The following AKAP8 variants were observed in gnomAD, a reference collection of about 807,000 sequenced individuals.
AKAP8 encodes A-kinase anchoring protein 8.
A neutral mutation model predicts 67.5 loss-of-function variants in AKAP8; 24 were observed. The observed-to-expected ratio is 0.36, with a 90% CI of 0.26 to 0.50. The LOEUF (loss-of-function observed/expected upper bound fraction) is 0.50, where lower values mean the gene tolerates loss of function less well. Ranked by LOEUF, AKAP8 falls within the 20% of genes least tolerant of loss-of-function variation. The probability of loss-of-function intolerance (pLI) is 0.97; values close to 1 mark genes in which losing one functional copy is unlikely to be tolerated. For synonymous variants in AKAP8, 400 were observed against 371.1 expected (o/e 1.08, Z -0.90); for missense variants, 971 against 955.9 (o/e 1.02, Z -0.21).
intron 7 of AKAP8, among the ~76,000 whole-genome samples, chr19:15,370,997 G>A (rs1363512434): frequency 1.3e-5 from 2 of 152,180 alleles, no homozygotes; most frequent in African/African-American, 2.4e-5. Flanking sequence ...AATCTGAACA[G>A]AGCTGACTCC....
chr19:15,377,087 A>ATCCCCTTT, intron 1 of AKAP8, 73 bp from the exon 2 acceptor site: 1 of 1,524,456 alleles, frequency 6.6e-7, no homozygotes, highest in South Asian at 1.2e-5. Context: ...GGTACTCCTA[A>ATCCCCTTT]AGGGATCTCC....
At chr19:15,366,045 A>G (rs28445663) in intron 9 of AKAP8, among the ~76,000 whole-genome samples, 1 of 149,046 alleles carries the variant, frequency 6.7e-6, no homozygotes, top group Non-Finnish European at 1.5e-5. Context: ...AAAAAAAAAA[A>G]GAAAAAGATC....
Position 15,355,137 on chromosome 19 carries a change from A to G in AKAP8, c.1857T>C (p.Pro619=), listed in dbSNP as rs533968274. 3.1e-6 allele frequency: 5 copies of G among 1,613,402 alleles called. No homozygotes were observed. In the East Asian group the frequency reaches 1.1e-4, roughly 36 times the overall value. Residue 619 remains proline, a synonymous_variant, in exon 14 of 14, where the codon CCT becomes CCC. Coordinates refer to ENST00000269701, the MANE Select transcript of AKAP8 (RefSeq NM_005858.4). ...GCTCTTCCAGCAGCTGTTCGGCTTG[A>G]GGATCACTACCGGCCTCCGCTGTGT... ...PTDTAEAGSD[P]QAEQLLEEQV...
chr19:15,355,456 A>G, intron 13 of AKAP8, 86 bp from the exon 14 acceptor site: 2 of 1,278,564 alleles, frequency 1.6e-6, no homozygotes, highest in South Asian at 2.8e-5. Context: ...TTTCAGAACC[A>G]GCAGTCCACA....
intron 4 of AKAP8, 47 bp downstream of exon 4, chr19:15,373,739 G>C (rs771550417): frequency 6.4e-7 from 1 of 1,564,044 alleles, no homozygotes; most frequent in South Asian, 1.2e-5. Flanking sequence ...TGCGCACAAA[G>C]GTGGGGATGT....
At chr19:15,363,092 G>T (rs866792569) in intron 9 of AKAP8, among the ~76,000 whole-genome samples, 1 of 148,708 alleles carries the variant, frequency 6.7e-6, no homozygotes, top group African/African-American at 2.5e-5. Flanking sequence ...CAACCGCCCC[G>T]TCTGAGAAGT....
At chr19:15,379,392 G>A (rs1020816802) in intron 1 of AKAP8, 3 of 352,678 alleles carry the variant, frequency 8.5e-6, no homozygotes, top group Non-Finnish European at 1.5e-5. Flanking sequence ...CTGGGGGCCG[G>A]AAGGACTCCG....
rs781433397 is a variant in AKAP8, at chr19:15,379,769, G to T, written c.-38C>A. ...GCCCACCAGCAGCCCCGTTTACTAG[G>T]CGACCACAGCACGCATGCGTTCAGC... On this transcript the variant is annotated 5_prime_UTR_variant, in exon 1 of 14. Coordinates refer to ENST00000269701, the MANE Select transcript of AKAP8 (RefSeq NM_005858.4). 7.5e-6 allele frequency: 12 copies of T among 1,609,372 alleles called. 1 individual carries two copies. In the South Asian group the frequency reaches 1.3e-4, roughly 18 times the overall value.
chr19:15,355,188 CT>C lies in AKAP8; in HGVS notation c.1805del (p.Glu602GlyfsTer104). On this transcript the variant is annotated frameshift_variant, in exon 14 of 14. Transcript: ENST00000269701. LOFTEE classifies it low-confidence loss of function (END_TRUNC). The stretch of plus-strand genomic sequence containing the variant: ...CCGTGGGGCCTTCGTCCTCAGCCGG[CT>C]CCCCGCTGCTCTCTGGAGCGGGCGC... ...EGAPAPESSGEPAEDEGPTDT... is the reference protein window; with the variant it reads ...EGAPAPESSGXPAEDEGPTDT... The C allele has an allele frequency of 6.2e-7, 1 of 1,611,892 alleles. No individual in the cohort carries two copies. The highest frequency in any genetic ancestry group is 8.5e-7 in the Non-Finnish European group (1 of 1,180,036).
rs376637617 is a variant in AKAP8, at chr19:15,360,844, T to G, written c.1527+4A>C. ...CCCCAGGCAGTGTGGGGAGGAAGACTCACCCTGCGGTTGTGATTGTGGTCC... is the reference window on the plus strand; with the variant it reads ...CCCCAGGCAGTGTGGGGAGGAAGACGCACCCTGCGGTTGTGATTGTGGTCC... On this transcript the variant is annotated splice_donor_region_variant and intron_variant, in intron 12 of 13. Coordinates refer to ENST00000269701, the MANE Select transcript of AKAP8 (RefSeq NM_005858.4). The G allele has an allele frequency of 1.2e-6, 2 of 1,611,600 alleles. No homozygotes were observed. The highest frequency in any genetic ancestry group is 1.3e-5 in the African/African-American group (1 of 74,848).
At position 15,373,741 on chromosome 19, in the gene AKAP8, T is replaced by C. The variant is rs992046803; in HGVS notation, c.371+45A>G. The C allele has an allele frequency of 5.8e-6, 9 of 1,563,990 alleles. No individual in the cohort carries two copies. In the Admixed American group the frequency reaches 1.4e-4, roughly 24 times the overall value. ...GTGCCCACTCCCATGCGCACAAAGG[T>C]GGGGATGTGTGGGGTCCCGGGGGAG... On this transcript the variant is annotated intron_variant, in intron 4 of 13. Coordinates refer to ENST00000269701, the MANE Select transcript of AKAP8 (RefSeq NM_005858.4).
At chr19:15,379,413 G>A (rs1442524181) in intron 1 of AKAP8, 3 of 380,988 alleles carry the variant, frequency 7.9e-6, no homozygotes, top group Non-Finnish European at 9.3e-6. Context: ...CCGAAGGTGA[G>A]GGGCAAAAAC....
In AKAP8 at chr19:15,372,032, C is replaced by T. The variant is rs774577594; in HGVS notation, c.992-34G>A. 98 of 1,613,480 alleles carry T rather than the reference C, an allele frequency of 6.1e-5. No homozygotes were observed. In the Admixed American group the frequency reaches 1.1e-3, roughly 18 times the overall value. ...CACAAAGAAAGGAAAAGTCAGTCCC[C>T]GGAGAACGGTCCCATCCGGTTTCCG... On this transcript the variant is annotated intron_variant, in intron 6 of 13. Coordinates refer to ENST00000269701, the MANE Select transcript of AKAP8 (RefSeq NM_005858.4).
In AKAP8 at chr19:15,355,302, C is replaced by G. The variant is rs1215201215; in HGVS notation, c.1692G>C (p.Glu564Asp). The G allele has an allele frequency of 6.2e-7, 1 of 1,613,736 alleles. No homozygotes were observed. Residue 564 changes from glutamate to aspartate, a missense_variant, in exon 14 of 14, where the codon GAG becomes GAC. By Grantham distance (45) the Glu-to-Asp change is conservative. Transcript: ENST00000269701. Reference protein sequence around the residue: ...EMEGDDNLGGEDKKETPEEVA... With the variant: ...EMEGDDNLGGDDKKETPEEVA... ...CCTCCTCAGGTGTCTCTTTCTTATC[C>G]TCACCTCCTAAATTGTCATCTCCTT...
Position 15,374,588 on chromosome 19 carries a change from C to CA in AKAP8, c.91+14dup, listed in dbSNP as rs777090820. 2.5e-6 allele frequency: 4 copies of CA among 1,613,054 alleles called. No homozygotes were observed. The highest frequency in any genetic ancestry group is 2.2e-5 in the East Asian group (1 of 44,784). ...CACTTGCCCGCCCACAGACCCCCCC[C>CA]ACAGAAGGGCTTACCTTGCCAGCTG... On this transcript the variant is annotated intron_variant, in intron 3 of 13. Coordinates refer to ENST00000269701, the MANE Select transcript of AKAP8 (RefSeq NM_005858.4).
intron 11 of AKAP8, 69 bp downstream of exon 11, chr19:15,361,648 GGCCTCGTGCCAC>G: frequency 7.6e-7 from 1 of 1,315,290 alleles, no homozygotes. Context: ...CACCGTGCCC[GGCCTCGTGCCAC>G]GTTTTACGGG....
Position 15,355,142 on chromosome 19 carries a change from C to A in AKAP8, c.1852G>T (p.Asp618Tyr). The A allele has an allele frequency of 6.2e-7, 1 of 1,613,348 alleles. No homozygotes were observed. ...GPTDTAEAGS[D>Y]PQAEQLLEEQ... ...TCCAGCAGCTGTTCGGCTTGAGGAT[C>A]ACTACCGGCCTCCGCTGTGTCCGTG... Residue 618 changes from aspartate (D) to tyrosine (Y), a missense_variant, in exon 14 of 14, where the codon GAT becomes TAT. This residue lies in a region of AKAP8 where 204 missense variants were observed against 193.0 expected (regional missense o/e 1.06). Coordinates refer to ENST00000269701, the MANE Select transcript of AKAP8 (RefSeq NM_005858.4).
intron 13 of AKAP8, among the ~76,000 whole-genome samples, chr19:15,356,199 C>G (rs1186363880): frequency 2.7e-5 from 4 of 150,508 alleles, no homozygotes; most frequent in Non-Finnish European, 5.9e-5. Context: ...AGGAGATGGA[C>G]ACCATCCTGG....
rs1180357921 is a variant in AKAP8 at position 15,369,616 on chromosome 19, A to C, written c.1072+530T>G. Among the ~76,000 whole-genome samples, 1 of 152,168 alleles carries C rather than the reference A, an allele frequency of 6.6e-6. No homozygotes were observed. Among genetic ancestry groups the C allele is most frequent in the Non-Finnish European group, 1.5e-5 (1 of 68,024 alleles). ...CTGCTGAAGGGCGCCCGCCTCTCAAAGACCCAGTGGGCCTGGGTGCTCCCG... is the reference window on the plus strand; with the variant it reads ...CTGCTGAAGGGCGCCCGCCTCTCAACGACCCAGTGGGCCTGGGTGCTCCCG... On this transcript the variant is annotated intron_variant, in intron 8 of 13. Coordinates refer to ENST00000269701, the MANE Select transcript of AKAP8 (RefSeq NM_005858.4). This position sits in a 1 kb window ranked among gnomAD's most constrained non-coding sequence, Gnocchi z 4.6.
Sources: allele counts gnomAD v4.1 joint callset (sites outside exome capture counted in the v4.1 genomes callset), GRCh38; gene constraint gnomAD v4.1.1; regional missense constraint gnomAD v4.1.1; non-coding constraint Gnocchi (gnomAD v3.1); transcripts MANE v1.5; gene names NCBI Gene and HGNC (gene_info 2026-07-23, HGNC 2026-07-21).